EGFLAM: variants seen among roughly 807,000 people sequenced by gnomAD.
EGFLAM encodes EGF like, fibronectin type III and laminin G domains.
EGFLAM carries 79 observed loss-of-function variants against 113.1 expected under a neutral mutation model. The observed-to-expected ratio is 0.70, with a 90% CI of 0.58 to 0.84. The LOEUF is 0.84. Ranked by LOEUF, EGFLAM falls within the 40% of genes least tolerant of loss-of-function variation. EGFLAM has a pLI of 0.00. For synonymous variants in EGFLAM, 504 were observed against 487.6 expected (o/e 1.03, Z -0.44); for missense variants, 1,265 against 1,291.6 (o/e 0.98, Z 0.32).
intron 1 of EGFLAM, among the ~76,000 whole-genome samples, chr5:38,323,506 C>A (rs1333027898): frequency 6.6e-6 from 1 of 152,166 alleles, no homozygotes; most frequent in Non-Finnish European, 1.5e-5. Context: ...ATTTTAGTTT[C>A]AAATGCTATG....
At chr5:38,259,372 A>C (rs953459800) in intron 1 of EGFLAM, among the ~76,000 whole-genome samples, 3 of 152,220 alleles carry the variant, frequency 2.0e-5, no homozygotes, top group Admixed American at 6.5e-5. Flanking sequence ...CCATTTGTTC[A>C]GAAGGAAGCA....
chr5:38,361,295 G>A (rs986248155), intron 5 of EGFLAM, among the ~76,000 whole-genome samples: 2 of 152,110 alleles, frequency 1.3e-5, no homozygotes, highest in African/African-American at 2.4e-5. Context: ...GCCTGACTAC[G>A]TTCCTCTACT....
intron 1 of EGFLAM, among the ~76,000 whole-genome samples, chr5:38,317,262 G>A (rs1411507686): frequency 2.0e-5 from 3 of 152,150 alleles, no homozygotes; most frequent in East Asian, 3.9e-4. Context: ...GCAGAGATCC[G>A]CAATTCAGCT....
At position 38,281,438 on chromosome 5, in the gene EGFLAM, A is replaced by G. The variant is rs758939452; in HGVS notation, c.97+22587A>G. Among the ~76,000 whole-genome samples the G allele has an allele frequency of 5.2e-4, 79 of 152,308 alleles. 1 individual carries two copies. The highest frequency in any genetic ancestry group is 3.4e-3 in the Middle Eastern group (1 of 294). Reference sequence around the variant, plus strand: ...AGCTATCCAAAATATTGCATGGGACATATTTATACGAAAAAAGAAATCATT... The same window carrying G: ...AGCTATCCAAAATATTGCATGGGACGTATTTATACGAAAAAAGAAATCATT... On this transcript the variant is annotated intron_variant, in intron 1 of 21. Coordinates refer to ENST00000322350, the MANE Select transcript of EGFLAM (RefSeq NM_152403.4).
At chr5:38,414,027 C>G (rs533012261) in intron 11 of EGFLAM, among the ~76,000 whole-genome samples, 1 of 152,312 alleles carries the variant, frequency 6.6e-6, no homozygotes, top group Non-Finnish European at 1.5e-5. Context: ...TCACCTTCTG[C>G]TGCGCACCCT....
chr5:38,267,043 A>G (rs1251730236), intron 1 of EGFLAM, among the ~76,000 whole-genome samples: 1 of 152,228 alleles, frequency 6.6e-6, no homozygotes, highest in Non-Finnish European at 1.5e-5. Flanking sequence ...AGGAGAGGAT[A>G]TGATCTAACA....
chr5:38,419,029 G>A (rs368944858), intron 12 of EGFLAM, among the ~76,000 whole-genome samples: 5 of 152,102 alleles, frequency 3.3e-5, no homozygotes, highest in African/African-American at 1.2e-4. Context: ...AGCCAATTTG[G>A]TTCCTGGAGA....
intron 1 of EGFLAM, among the ~76,000 whole-genome samples, chr5:38,302,299 T>C (rs1423864571): frequency 6.6e-6 from 1 of 151,846 alleles, no homozygotes; most frequent in African/African-American, 2.4e-5. Context: ...AGACTGGTTA[T>C]TTAAAGTCAG....
At chr5:38,341,236 G>C (rs534846497) in intron 3 of EGFLAM, among the ~76,000 whole-genome samples, 1 of 152,252 alleles carries the variant, frequency 6.6e-6, no homozygotes, top group African/African-American at 2.4e-5. Context: ...CTTGGCACTG[G>C]GTAATTTATA....
chr5:38,363,243 T>C (rs1739973914), intron 5 of EGFLAM, among the ~76,000 whole-genome samples: 1 of 152,048 alleles, frequency 6.6e-6, no homozygotes, highest in African/African-American at 2.4e-5. Flanking sequence ...GAGCATGAGG[T>C]TTCCTCTCAC....
chr5:38,312,473 C>T (rs2111864571), intron 1 of EGFLAM, among the ~76,000 whole-genome samples: 1 of 152,216 alleles, frequency 6.6e-6, no homozygotes. Context: ...ATCTGCTGAC[C>T]TCGTGATCCG....
intron 10 of EGFLAM, among the ~76,000 whole-genome samples, chr5:38,410,460 C>G (rs1741441954): frequency 6.6e-6 from 1 of 152,198 alleles, no homozygotes; most frequent in Admixed American, 6.5e-5. Flanking sequence ...TGCAATGCCT[C>G]TTGACTGCAT....
chr5:38,373,928 C>T (rs554433076), intron 6 of EGFLAM, among the ~76,000 whole-genome samples: 1 of 152,206 alleles, frequency 6.6e-6, no homozygotes, highest in South Asian at 2.1e-4. Context: ...CATCTGGTAG[C>T]AAAGTTGGCA....
chr5:38,458,329 T>C lies in EGFLAM; in HGVS notation c.2706T>C (p.Gly902=). Residue 902 remains glycine, a synonymous_variant, in exon 20 of 22, where the codon GGT becomes GGC. Transcript: ENST00000322350. ...GCCTTAGCTATAACCTGGGCAGTGG[T>C]GTGGCATCCATCATGGTGAATGGCT... is the stretch of plus-strand genomic sequence containing the variant. ...ALVFSYNLGS[G]VASIMVNGSF... 1 of 1,614,092 alleles carries C rather than the reference T, an allele frequency of 6.2e-7. No individual in the cohort carries two copies. The highest frequency in any genetic ancestry group is 8.5e-7 in the Non-Finnish European group (1 of 1,179,982).
At position 38,266,018 on chromosome 5, in the gene EGFLAM, G is replaced by A. The variant is rs74526978; in HGVS notation, c.97+7167G>A. Among the ~76,000 whole-genome samples, 789 of 152,280 alleles carry A rather than the reference G, an allele frequency of 5.2e-3. 9 individuals carry two copies. Among genetic ancestry groups the A allele is most frequent in the African/African-American group, 0.018 (758 of 41,546 alleles). ...CAGCTGTGACTGCTGACGACAACAT[G>A]TTGCTCTGGGCATCTGTATTTAACC... On this transcript the variant is annotated intron_variant, in intron 1 of 21. Transcript: ENST00000322350.
intron 1 of EGFLAM, among the ~76,000 whole-genome samples, chr5:38,317,989 G>A (rs566427083): frequency 2.0e-5 from 3 of 152,226 alleles, no homozygotes; most frequent in Admixed American, 2.0e-4. Flanking sequence ...AGAAGGAAAG[G>A]TGTTCTCACC....
chr5:38,301,449 T>A (rs756600172), intron 1 of EGFLAM, among the ~76,000 whole-genome samples: 2 of 152,036 alleles, frequency 1.3e-5, no homozygotes, highest in Non-Finnish European at 2.9e-5. Flanking sequence ...GAAAACTGAC[T>A]GAGGGGAGTT....
intron 13 of EGFLAM, 127 bp downstream of exon 13, chr5:38,425,219 C>G (rs954251085): frequency 2.8e-6 from 4 of 1,407,172 alleles, no homozygotes; most frequent in Middle Eastern, 4.0e-4. Context: ...CCCTCTCTTA[C>G]CCAGGCCGGA....
rs577810325 is a variant in EGFLAM at position 38,413,590 on chromosome 5, T to G, written c.1494+942T>G. On this transcript the variant is annotated intron_variant, in intron 11 of 21. Transcript: ENST00000322350. ...TTAGGACTATGTTCAGAATAAACAG[T>G]TTGGATTAGCAGCCTGCCAGGGAAC... Among the ~76,000 whole-genome samples the G allele has an allele frequency of 1.4e-3, 216 of 152,224 alleles. 1 individual carries two copies. The highest frequency in any genetic ancestry group is 1.9e-3 in the South Asian group (9 of 4,822).
Sources: allele counts gnomAD v4.1 joint callset (sites outside exome capture counted in the v4.1 genomes callset), GRCh38; gene constraint gnomAD v4.1.1; transcripts MANE v1.5; gene names NCBI Gene and HGNC (gene_info 2026-07-23, HGNC 2026-07-21).